The following DCLK1 variants were observed in gnomAD, a reference collection of about 807,000 sequenced individuals.
DCLK1 encodes the protein doublecortin like kinase 1.
In DCLK1, 16 loss-of-function variants were observed where a neutral mutation model predicts 86.2. The observed-to-expected ratio is 0.19, with a 90% CI of 0.13 to 0.28. DCLK1 has a LOEUF of 0.28. Among genes scored for constraint, DCLK1 ranks in the 10% least tolerant of loss-of-function variants. The probability of loss-of-function intolerance (pLI) is 1.00; values close to 1 mark genes in which losing one functional copy is unlikely to be tolerated. For missense variants in DCLK1, 590 were observed against 940.2 expected (o/e 0.63, Z 4.87); for synonymous variants, 369 against 370.5 (o/e 1.00, Z 0.05).
chr13:35,999,716 TC>T (rs1566639303), intron 3 of DCLK1, among the ~76,000 whole-genome samples: 1 of 152,180 alleles, frequency 6.6e-6, no homozygotes, highest in Non-Finnish European at 1.5e-5. Flanking sequence ...AATTCTATTC[TC>T]CTCATTACTG....
intron 5 of DCLK1, among the ~76,000 whole-genome samples, chr13:35,870,889 G>C (rs1434534607): frequency 6.6e-6 from 1 of 152,206 alleles, no homozygotes; most frequent in African/African-American, 2.4e-5. Flanking sequence ...TCATAGGCCA[G>C]TCTCAGGTAG....
intron 3 of DCLK1, among the ~76,000 whole-genome samples, chr13:35,949,831 T>G (rs540978194): frequency 1.3e-5 from 2 of 151,186 alleles, no homozygotes; most frequent in East Asian, 3.9e-4. Context: ...GGCAGTTTTT[T>G]TTTTTTTTTG....
chr13:35,912,853 G>T (rs769647576), intron 4 of DCLK1, among the ~76,000 whole-genome samples: 2 of 152,156 alleles, frequency 1.3e-5, no homozygotes, highest in Non-Finnish European at 2.9e-5. Context: ...GCAGAGCTAA[G>T]ATAGCATTGT....
At chr13:35,827,372 T>C (rs1436950589) in intron 10 of DCLK1, among the ~76,000 whole-genome samples, 1 of 152,164 alleles carries the variant, frequency 6.6e-6, no homozygotes, top group Admixed American at 6.5e-5. Context: ...ATAACACCAT[T>C]AAGCAGATAT....
chr13:36,031,671 G>A (rs1882278043), intron 3 of DCLK1, among the ~76,000 whole-genome samples: 1 of 152,186 alleles, frequency 6.6e-6, no homozygotes, highest in Non-Finnish European at 1.5e-5. Flanking sequence ...ATTATTTACA[G>A]TGACGTATTT....
chr13:35,815,557 C>T (rs1044105456), intron 11 of DCLK1, among the ~76,000 whole-genome samples: 1 of 152,048 alleles, frequency 6.6e-6, no homozygotes, highest in African/African-American at 2.4e-5. Context: ...TAGAATTGAA[C>T]AAAAGTGGCA....
intron 3 of DCLK1, among the ~76,000 whole-genome samples, chr13:35,988,236 A>T (rs193167587): frequency 6.6e-6 from 1 of 152,194 alleles, no homozygotes; most frequent in Non-Finnish European, 1.5e-5. Flanking sequence ...CTGATCCCCA[A>T]TGTGACCTCA....
At chr13:35,804,187 G>GA (rs1489296927) in intron 15 of DCLK1, among the ~76,000 whole-genome samples, 7 of 152,182 alleles carry the variant, frequency 4.6e-5, no homozygotes, top group African/African-American at 1.7e-4. Context: ...CTGGAGTGCA[G>GA]TGGTGCAATC....
intron 3 of DCLK1, among the ~76,000 whole-genome samples, chr13:35,951,171 C>T (rs960258561): frequency 1.1e-4 from 16 of 151,848 alleles, no homozygotes; most frequent in Non-Finnish European, 7.4e-5. Flanking sequence ...CCCCAACCTA[C>T]CTTTCAAGCT....
At chr13:35,783,579 T>A (rs2086568435) in intron 16 of DCLK1, among the ~76,000 whole-genome samples, 1 of 152,122 alleles carries the variant, frequency 6.6e-6, no homozygotes, top group South Asian at 2.1e-4. Context: ...GTTAATTGAA[T>A]CTCAATCTCC....
chr13:35,804,195 A>G (rs944964675), intron 15 of DCLK1, among the ~76,000 whole-genome samples: 1 of 152,054 alleles, frequency 6.6e-6, no homozygotes, highest in African/African-American at 2.4e-5. Context: ...CAGTGGTGCA[A>G]TCTCCACTCA....
At chr13:35,779,777 T>C (rs576684202) in intron 16 of DCLK1, among the ~76,000 whole-genome samples, 1 of 152,310 alleles carries the variant, frequency 6.6e-6, no homozygotes, top group East Asian at 1.9e-4. Flanking sequence ...AACACTGTCA[T>C]GTATGATGTT....
At chr13:36,065,920 C>T (rs769407730) in intron 3 of DCLK1, among the ~76,000 whole-genome samples, 5 of 152,026 alleles carry the variant, frequency 3.3e-5, no homozygotes, top group African/African-American at 7.2e-5. Flanking sequence ...TTACACACAA[C>T]GGCAATGGTA....
At chr13:35,888,432 G>A (rs144143273) in intron 4 of DCLK1, among the ~76,000 whole-genome samples, 3 of 152,174 alleles carry the variant, frequency 2.0e-5, no homozygotes, top group Non-Finnish European at 4.4e-5. Flanking sequence ...CAGACTTTGG[G>A]TTGAAAACTT....
At chr13:35,822,639 T>TA (rs2087422709) in intron 11 of DCLK1, 90 bp downstream of exon 11, 3 of 1,573,312 alleles carry the variant, frequency 1.9e-6, no homozygotes, top group Non-Finnish European at 8.7e-7. Flanking sequence ...GGTAAATTTT[T>TA]AAAAAAAGAA....
chr13:35,958,487 A>G (rs1878271230), intron 3 of DCLK1, among the ~76,000 whole-genome samples: 1 of 151,460 alleles, frequency 6.6e-6, no homozygotes, highest in Non-Finnish European at 1.5e-5. Flanking sequence ...CATCACCACC[A>G]CTACCACCAC....
chr13:35,866,505 TG>T (rs1871802204), intron 5 of DCLK1, among the ~76,000 whole-genome samples: 1 of 150,610 alleles, frequency 6.6e-6, no homozygotes, highest in Non-Finnish European at 1.5e-5. Flanking sequence ...CAGGCTGGAG[TG>T]CAGTTGTGCA....
At chr13:36,084,800 G>A (rs946586294) in intron 3 of DCLK1, among the ~76,000 whole-genome samples, 1 of 152,130 alleles carries the variant, frequency 6.6e-6, no homozygotes, top group African/African-American at 2.4e-5. Flanking sequence ...TTCGCTACTG[G>A]TTATATGGCA....
At chr13:36,128,366 T>G (rs1354816620) in intron 1 of DCLK1, among the ~76,000 whole-genome samples, 1 of 152,200 alleles carries the variant, frequency 6.6e-6, no homozygotes, top group Non-Finnish European at 1.5e-5. Context: ...GGGTTGAGAT[T>G]TGAACCCAGA....
Sources: allele counts gnomAD v4.1 joint callset (sites outside exome capture counted in the v4.1 genomes callset), GRCh38; gene constraint gnomAD v4.1.1; transcripts MANE v1.5; gene names NCBI Gene and HGNC (gene_info 2026-07-23, HGNC 2026-07-21).